STYXL1: variants seen among roughly 807,000 people sequenced by gnomAD.
STYXL1 encodes the protein serine/threonine/tyrosine interacting like 1, also known as serine/threonine/tyrosine-interacting-like protein 1.
Under a neutral mutation model 36.4 loss-of-function variants are expected in STYXL1, and 32 were observed. That is an observed-to-expected ratio of 0.88 (90% confidence interval 0.66 to 1.18). The LOEUF (loss-of-function observed/expected upper bound fraction) is 1.18, where lower values mean the gene tolerates loss of function less well. STYXL1 is among the 50% of genes most tolerant of loss of function. The pLI is 0.00. For synonymous variants in STYXL1, 133 were observed against 144.1 expected (o/e 0.92, Z 0.55); for missense variants, 354 against 394.1 (o/e 0.90, Z 0.86).
chr7:76,027,856 C>T (rs782469416), intron 3 of STYXL1, among the ~76,000 whole-genome samples: 2 of 151,766 alleles, frequency 1.3e-5, no homozygotes, highest in Non-Finnish European at 2.9e-5. Context: ...GTAATCCCAG[C>T]GCTTTGGGAG....
intron 5 of STYXL1, 81 bp downstream of exon 5, chr7:76,013,661 C>T: frequency 6.3e-7 from 1 of 1,587,604 alleles, no homozygotes; most frequent in Non-Finnish European, 8.6e-7. Flanking sequence ...CCTCCTGTTT[C>T]TCCCACTCAG....
intron 3 of STYXL1, among the ~76,000 whole-genome samples, chr7:76,022,675 C>T (rs1172525909): frequency 6.6e-6 from 1 of 151,326 alleles, no homozygotes; most frequent in East Asian, 1.9e-4. Flanking sequence ...AAAACAACAA[C>T]AACAAGACAA....
chr7:76,009,836 C>T (rs1206880830), intron 5 of STYXL1, among the ~76,000 whole-genome samples: 3 of 152,142 alleles, frequency 2.0e-5, no homozygotes, highest in Non-Finnish European at 4.4e-5. Context: ...AAGCTTAAGC[C>T]ACCACAGCTG....
chr7:75,998,304 T>TTC, intron 8 of STYXL1, among the ~76,000 whole-genome samples: 1 of 151,086 alleles, frequency 6.6e-6, no homozygotes, highest in South Asian at 2.1e-4. Context: ...TCAAGCAATT[T>TTC]TTTTTTTTTT....
intron 1 of STYXL1, chr7:76,045,764 T>G (rs782364911): frequency 1.3e-5 from 2 of 152,216 alleles, no homozygotes; most frequent in Non-Finnish European, 2.9e-5. Flanking sequence ...TCAGCTAACA[T>G]TCATGGGACC....
chr7:76,043,628 A>T (rs1796692145), intron 1 of STYXL1, among the ~76,000 whole-genome samples: 1 of 152,298 alleles, frequency 6.6e-6, no homozygotes, highest in Non-Finnish European at 1.5e-5. Context: ...TGGGAGAGTC[A>T]GTTACAAATT....
rs1554576284 is a variant in STYXL1, at chr7:76,021,835, G to A, written c.307+16C>T. 1.3e-6 allele frequency: 2 copies of A among 1,579,364 alleles called. No homozygotes were observed. The highest frequency in any genetic ancestry group is 3.4e-5 in the Admixed American group (2 of 59,680). On this transcript the variant is annotated intron_variant, in intron 4 of 8. Coordinates refer to ENST00000359697, the MANE Select transcript of STYXL1 (RefSeq NM_001317785.2). ...GCCGTTAACTATTATTCTTGCTGCTGTTGCATAAAACCCACCTTTGCCATC... is the reference window on the plus strand; with the variant it reads ...GCCGTTAACTATTATTCTTGCTGCTATTGCATAAAACCCACCTTTGCCATC...
chr7:75,999,605 T>G (rs916664368), intron 8 of STYXL1, among the ~76,000 whole-genome samples: 1 of 151,386 alleles, frequency 6.6e-6, no homozygotes, highest in Non-Finnish European at 1.5e-5. Flanking sequence ...TGGAGTACAA[T>G]GGTGCAATCT....
chr7:76,000,649 C>A, intron 8 of STYXL1: 1 of 596,544 alleles, frequency 1.7e-6, no homozygotes, highest in Non-Finnish European at 3.1e-6. Flanking sequence ...GTGGGGGCTG[C>A]AGGACAGCCT....
intron 7 of STYXL1, among the ~76,000 whole-genome samples, chr7:76,002,592 C>G (rs1791089724): frequency 6.6e-6 from 1 of 152,154 alleles, no homozygotes; most frequent in Non-Finnish European, 1.5e-5. Context: ...CAGCCTCAGG[C>G]CCTGGTTGAG....
intron 3 of STYXL1, among the ~76,000 whole-genome samples, chr7:76,027,708 C>A (rs992787576): frequency 6.6e-6 from 1 of 151,744 alleles, no homozygotes; most frequent in African/African-American, 2.4e-5. Flanking sequence ...TTAAAAACAA[C>A]AAAAAAAGAA....
chr7:76,028,426 C>A (rs111731840), intron 3 of STYXL1, among the ~76,000 whole-genome samples: 1 of 152,106 alleles, frequency 6.6e-6, no homozygotes, highest in Non-Finnish European at 1.5e-5. Context: ...AAAATTAAAT[C>A]AGTATTTGTC....
intron 4 of STYXL1, among the ~76,000 whole-genome samples, chr7:76,020,307 C>T (rs902110010): frequency 6.6e-6 from 1 of 152,158 alleles, no homozygotes; most frequent in Non-Finnish European, 1.5e-5. Context: ...TAGCGCCACC[C>T]CGTGGCAGTT....
chr7:76,004,657 T>C (rs1450298082), intron 6 of STYXL1, among the ~76,000 whole-genome samples: 1 of 150,664 alleles, frequency 6.6e-6, no homozygotes, highest in Non-Finnish European at 1.5e-5. Context: ...TGAGCCAAGA[T>C]TGTGCCACTG....
chr7:76,011,819 C>G (rs782251833), intron 5 of STYXL1, among the ~76,000 whole-genome samples: 1 of 152,220 alleles, frequency 6.6e-6, no homozygotes, highest in Non-Finnish European at 1.5e-5. Flanking sequence ...CTTCTCTGGG[C>G]TCCAGATACC....
intron 1 of STYXL1, among the ~76,000 whole-genome samples, chr7:76,032,347 C>T (rs1459743381): frequency 1.3e-5 from 2 of 148,432 alleles, no homozygotes; most frequent in Admixed American, 6.9e-5. Context: ...TGCAGTAAGC[C>T]GTGATCACAC....
chr7:76,017,911 C>T (rs1793600203), intron 4 of STYXL1, among the ~76,000 whole-genome samples: 1 of 120,124 alleles, frequency 8.3e-6, no homozygotes, highest in African/African-American at 3.0e-5. Context: ...GAAAAACTAC[C>T]TACTACCTAT....
intron 6 of STYXL1, among the ~76,000 whole-genome samples, chr7:76,004,343 C>T (rs1234003451): frequency 6.6e-6 from 1 of 152,070 alleles, no homozygotes; most frequent in African/African-American, 2.4e-5. Flanking sequence ...TATGTACCCG[C>T]CTTGGCCTCT....
intron 4 of STYXL1, among the ~76,000 whole-genome samples, 167 bp downstream of exon 4, chr7:76,021,684 C>T (rs1264174063): frequency 6.6e-6 from 1 of 152,184 alleles, no homozygotes; most frequent in Admixed American, 6.5e-5. Context: ...CTCCCATCTC[C>T]TTGCTCGGTA....
Sources: gnomAD v4.1 joint callset for allele counts (sites outside exome capture counted in the v4.1 genomes callset) on GRCh38, gnomAD v4.1.1 for gene constraint, MANE v1.5 for transcripts, NCBI Gene and HGNC (gene_info 2026-07-23, HGNC 2026-07-21) for gene names.